The following TCHP variants were observed in gnomAD, a reference collection of about 807,000 sequenced individuals.
The protein encoded by TCHP is trichoplein keratin filament binding, also known as trichoplein keratin filament-binding protein.
Under a neutral mutation model 88.7 loss-of-function variants are expected in TCHP, and 81 were observed. The observed-to-expected ratio is 0.91, with a 90% CI of 0.76 to 1.10. TCHP has a LOEUF of 1.10. Among genes scored for constraint, TCHP ranks in the 50% least tolerant of loss-of-function variants. TCHP has a pLI of 0.00. For missense variants in TCHP, 641 were observed against 632.1 expected, an observed-to-expected ratio of 1.01 and a Z score of -0.15; for synonymous variants, 232 against 232.5, an observed-to-expected ratio of 1.00 and a Z score of 0.02.
the TCHP span, among the ~76,000 whole-genome samples, chr12:109,883,351 T>C: frequency 6.6e-6 from 1 of 152,134 alleles, no homozygotes; most frequent in East Asian, 1.9e-4. Flanking sequence ...GTTTTAATCT[T>C]TCAGAGGGCA....
At chr12:109,887,636 CT>C in the TCHP span, among the ~76,000 whole-genome samples, 1 of 152,126 alleles carries the variant, frequency 6.6e-6, no homozygotes, top group Non-Finnish European at 1.5e-5. Context: ...AAGGATGCCC[CT>C]CATGCCATGC....
chr12:109,890,846 TG>T, the TCHP span, among the ~76,000 whole-genome samples: 1 of 152,192 alleles, frequency 6.6e-6, no homozygotes, highest in Non-Finnish European at 1.5e-5. Flanking sequence ...CAATCACTAC[TG>T]GAACTTTTCT....
intron 8 of TCHP, among the ~76,000 whole-genome samples, chr12:109,909,824 G>C (rs1870383681): frequency 6.6e-6 from 1 of 152,176 alleles, no homozygotes; most frequent in Non-Finnish European, 1.5e-5. Context: ...AAATTAGCCG[G>C]GTGTGGTGGC....
At chr12:109,904,283 C>A in intron 3 of TCHP, 136 bp downstream of exon 3, 1 of 752,030 alleles carries the variant, frequency 1.3e-6, no homozygotes, top group Non-Finnish European at 2.2e-6. Flanking sequence ...AGGAAAAGAG[C>A]TTAGGTCCTT....
chr12:109,893,825 G>T, the TCHP span, among the ~76,000 whole-genome samples: 2,393 of 152,288 alleles, frequency 0.016, 34 homozygotes, highest in South Asian at 0.053. Context: ...AATGGAAATG[G>T]GAAGCTATTT....
the TCHP span, among the ~76,000 whole-genome samples, chr12:109,891,664 G>C: frequency 6.6e-6 from 1 of 150,632 alleles, no homozygotes; most frequent in African/African-American, 2.4e-5. Context: ...GCTTCCCAAA[G>C]TGCTGGGTTT....
intron 3 of TCHP, 121 bp from the exon 4 acceptor site, chr12:109,904,616 T>G (rs11068852): frequency 0.1 from 76,996 of 765,458 alleles, 7,915 homozygotes; most frequent in African/African-American, 0.45. Context: ...TGAACAGTGG[T>G]TGCAGTGACG....
Position 109,903,826 on chromosome 12 carries a change from C to A in TCHP, c.189-111C>A. On this transcript the variant is annotated intron_variant, in intron 2 of 12. Coordinates refer to ENST00000405876, the MANE Select transcript of TCHP (RefSeq NM_001143852.2). This position sits in a 1 kb window ranked among gnomAD's most constrained non-coding sequence, Gnocchi z 4.6. The stretch of plus-strand genomic sequence containing the variant: ...TCTCTGCTTTGGCTGGGGACACATT[C>A]CTGTGTCGTCATGACACATCTACCT... The A allele has an allele frequency of 1.2e-6, 1 of 830,406 alleles. No individual in the cohort carries two copies. Among genetic ancestry groups the A allele is most frequent in the East Asian group, 2.7e-5 (1 of 37,336 alleles). 51.4% of individuals were successfully genotyped at this position (830,406 alleles called of 1,614,324 possible). A position where few individuals can be genotyped will look rare whatever the true frequency, so the allele number is the denominator to read the frequency against.
At chr12:109,899,379 C>A (rs1869656973), upstream of TCHP, among the ~76,000 whole-genome samples, 1 of 152,166 alleles carries the variant, frequency 6.6e-6, no homozygotes, top group Admixed American at 6.5e-5. Flanking sequence ...GTGGCTCACT[C>A]CTGTAATCCT....
In TCHP at chr12:109,906,607, C is replaced by T. The variant is rs751158729; in HGVS notation, c.492C>T (p.Asn164=). Residue 164 remains asparagine, a synonymous_variant, in exon 5 of 13, where the codon AAC becomes AAT. Coordinates refer to ENST00000405876, the MANE Select transcript of TCHP (RefSeq NM_001143852.2). ...ACCTTCACCAGAAGCATGTCGTAAACTCTTGGGAAATGCAGAAAGAAGAAA... is the reference window on the plus strand; with the variant it reads ...ACCTTCACCAGAAGCATGTCGTAAATTCTTGGGAAATGCAGAAAGAAGAAA... ...ELDLHQKHVV[N]SWEMQKEEKK... 1.2e-6 allele frequency: 2 copies of T among 1,611,974 alleles called. No homozygotes were observed. The highest frequency in any genetic ancestry group is 3.3e-5 in the Admixed American group (2 of 60,008).
the TCHP span, among the ~76,000 whole-genome samples, chr12:109,884,308 C>T: frequency 6.6e-6 from 1 of 152,066 alleles, no homozygotes; most frequent in East Asian, 1.9e-4. Flanking sequence ...CCTGCCTCAG[C>T]CTCCCGAGTA....
the TCHP span, among the ~76,000 whole-genome samples, chr12:109,893,911 C>T: frequency 1.3e-5 from 2 of 152,080 alleles, no homozygotes; most frequent in African/African-American, 2.4e-5. Flanking sequence ...AGGCCAGGCA[C>T]GGTGGCTCAT....
chr12:109,902,071 C>T (rs1229659601), intron 1 of TCHP, among the ~76,000 whole-genome samples: 1 of 152,210 alleles, frequency 6.6e-6, no homozygotes, highest in Non-Finnish European at 1.5e-5. Flanking sequence ...CATAAATGCC[C>T]CCGATGTGCC....
intron 10 of TCHP, among the ~76,000 whole-genome samples, 166 bp downstream of exon 10, chr12:109,913,238 A>C (rs537067870): frequency 1.3e-5 from 2 of 152,306 alleles, no homozygotes; most frequent in African/African-American, 4.8e-5. Flanking sequence ...AGTAGAAAAG[A>C]ATTCAGAAGT....
chr12:109,895,614 G>A (rs941417887), upstream of TCHP, among the ~76,000 whole-genome samples: 1 of 152,132 alleles, frequency 6.6e-6, no homozygotes. Context: ...CTGCGGTCTT[G>A]TCTTCAGGTG....
At position 109,916,902 on chromosome 12, in the gene TCHP, A is replaced by G. The variant is rs1431125397; in HGVS notation, c.*279A>G. 1 of 366,174 alleles carries G rather than the reference A, an allele frequency of 2.7e-6. No homozygotes were observed. Among genetic ancestry groups the G allele is most frequent in the African/African-American group, 2.1e-5 (1 of 47,522 alleles). The allele number at this position is 366,174 out of a possible 1,614,324, so 22.7% of individuals were successfully genotyped here. A position where few individuals can be genotyped will look rare whatever the true frequency, so the allele number is the denominator to read the frequency against. On this transcript the variant is annotated 3_prime_UTR_variant, in exon 13 of 13. Transcript: ENST00000405876. Reference sequence around the variant, plus strand: ...AGTCTTGTAATATATTAACAGTCACATCAACTGAAGGTCAATACTAAGAGC... The same window carrying G: ...AGTCTTGTAATATATTAACAGTCACGTCAACTGAAGGTCAATACTAAGAGC...
At position 109,904,742 on chromosome 12, in the gene TCHP, T is replaced by C; in HGVS notation, c.405T>C (p.Ala135=). 1.2e-6 allele frequency: 2 copies of C among 1,611,234 alleles called. No individual in the cohort carries two copies. The highest frequency in any genetic ancestry group is 1.7e-6 in the Non-Finnish European group (2 of 1,179,328). Residue 135 remains alanine, a synonymous_variant, in exon 4 of 13, where the codon GCT becomes GCC. Transcript: ENST00000405876. ...SAKEEQRKLI[A]EQLLYEHWKK... ...ATTTTGTGTTTTCTTGATAGATTGC[T>C]GAACAACTTTTGTACGAACACTGGA...
At chr12:109,901,443 A>G (rs1308970683) in intron 1 of TCHP, among the ~76,000 whole-genome samples, 1 of 152,174 alleles carries the variant, frequency 6.6e-6, no homozygotes, top group Non-Finnish European at 1.5e-5. Context: ...CTCATTTACA[A>G]GACATCAAGG....
At chr12:109,906,757 CT>C in intron 5 of TCHP, 117 bp downstream of exon 5, 1 of 778,804 alleles carries the variant, frequency 1.3e-6, no homozygotes, top group South Asian at 1.6e-5. Flanking sequence ...GTAGTGTACT[CT>C]TTTCTTAGTT....
Sources: allele counts gnomAD v4.1 joint callset (sites outside exome capture counted in the v4.1 genomes callset), GRCh38; gene constraint gnomAD v4.1.1; non-coding constraint Gnocchi (gnomAD v3.1); transcripts MANE v1.5; gene names NCBI Gene and HGNC (gene_info 2026-07-23, HGNC 2026-07-21).